SYNPO2: variants seen among roughly 807,000 people sequenced by gnomAD.
The protein encoded by SYNPO2 is synaptopodin 2, also known as synaptopodin-2.
SYNPO2 carries 56 observed loss-of-function variants against 85.0 expected under a neutral mutation model. The observed-to-expected ratio is 0.66, with a 90% confidence interval of 0.53 to 0.82. The LOEUF is 0.82. SYNPO2 is among the 40% of genes least tolerant of loss of function. The pLI is 0.00. For synonymous variants in SYNPO2, 602 were observed against 591.1 expected (o/e 1.02, Z -0.27); for missense variants, 1,575 against 1,534.2 (o/e 1.03, Z -0.44).
chr4:118,993,408 C>T (rs1448115670), intron 1 of SYNPO2, among the ~76,000 whole-genome samples: 3 of 152,160 alleles, frequency 2.0e-5, no homozygotes, highest in Non-Finnish European at 2.9e-5. Context: ...TCTCATTTTA[C>T]GAGGCCTCCT....
intron 1 of SYNPO2, among the ~76,000 whole-genome samples, chr4:119,001,289 A>G (rs1736814949): frequency 6.6e-6 from 1 of 152,228 alleles, no homozygotes; most frequent in Non-Finnish European, 1.5e-5. Flanking sequence ...ATCTTAAATC[A>G]AACATAGCCT....
chr4:118,978,792 GACAC>G (rs5861400), intron 1 of SYNPO2, among the ~76,000 whole-genome samples: 26,431 of 148,182 alleles, frequency 0.18, 2,403 homozygotes, highest in East Asian at 0.25. Flanking sequence ...CTCCTGCCAT[GACAC>G]ACACACACAC....
At position 119,031,912 on chromosome 4, in the gene SYNPO2, C is replaced by T. The variant is rs775659765; in HGVS notation, c.3137C>T (p.Ala1046Val). 2 of 1,614,246 alleles carry T rather than the reference C, an allele frequency of 1.2e-6. No individual in the cohort carries two copies. The highest frequency in any genetic ancestry group is 1.7e-6 in the Non-Finnish European group (2 of 1,180,046). Residue 1046 changes from alanine (A) to valine (V), a missense_variant, in exon 4 of 5, where the codon GCA becomes GTA. Coordinates refer to ENST00000307142, the MANE Select transcript of SYNPO2 (RefSeq NM_133477.3). ...FFAEASSPVSASPVPVGIPTS... is the reference protein window; with the variant it reads ...FFAEASSPVSVSPVPVGIPTS... ...GCAGAGGCCTCCTCACCAGTCAGTG[C>T]ATCCCCAGTGCCTGTGGGCATTCCC... is the stretch of plus-strand genomic sequence containing the variant.
At chr4:118,943,630 G>A (rs749520136) in intron 1 of SYNPO2, among the ~76,000 whole-genome samples, 10 of 152,264 alleles carry the variant, frequency 6.6e-5, no homozygotes, top group Admixed American at 4.6e-4. Flanking sequence ...ATCATCAGTG[G>A]TAGTAAACAT....
intron 1 of SYNPO2, among the ~76,000 whole-genome samples, chr4:118,956,494 T>C (rs1231412380): frequency 3.3e-5 from 5 of 152,272 alleles, no homozygotes; most frequent in Non-Finnish European, 7.3e-5. Flanking sequence ...TTTTTAACTG[T>C]AATTATTTTT....
At chr4:119,012,067 T>C (rs1196497453) in intron 1 of SYNPO2, among the ~76,000 whole-genome samples, 2 of 151,914 alleles carry the variant, frequency 1.3e-5, no homozygotes, top group East Asian at 1.9e-4. Flanking sequence ...GGATTACAGG[T>C]ACCTGCCACC....
At chr4:118,959,614 C>T (rs1016671283) in intron 1 of SYNPO2, among the ~76,000 whole-genome samples, 16 of 151,640 alleles carry the variant, frequency 1.1e-4, no homozygotes. Context: ...ATCCAAGAAA[C>T]CTAGGAGATT....
rs761807998 is a variant in SYNPO2, at chr4:118,908,467, A to G, written c.105+19326A>G. Among the ~76,000 whole-genome samples the G allele has an allele frequency of 9.8e-5, 15 of 152,334 alleles. No homozygotes were observed. In the East Asian group the frequency reaches 2.9e-3, roughly 29 times the overall value. ...TTGACTTGAAAAAATTTTTGATAGA[A>G]GAAAATTCTCACATTTTAGTTCGAT... On this transcript the variant is annotated intron_variant, in intron 1 of 4. Transcript: ENST00000307142.
chr4:118,900,697 C>CTA (rs1165068182), intron 1 of SYNPO2, among the ~76,000 whole-genome samples: 100 of 37,140 alleles, frequency 2.7e-3, no homozygotes, highest in South Asian at 0.01. Flanking sequence ...CTCTCTCTCT[C>CTA]TCTCTCTATA....
At chr4:118,889,839 C>CT (rs1201509234) in intron 1 of SYNPO2, among the ~76,000 whole-genome samples, 2 of 152,140 alleles carry the variant, frequency 1.3e-5, no homozygotes, top group Admixed American at 6.5e-5. Context: ...ATTTAAAATG[C>CT]TTTAAGTTTT....
intron 1 of SYNPO2, among the ~76,000 whole-genome samples, chr4:118,962,785 C>T (rs891392354): frequency 1.3e-5 from 2 of 152,208 alleles, no homozygotes; most frequent in Admixed American, 6.5e-5. Flanking sequence ...AGCTTATCCA[C>T]ATTTTGTTGG....
intron 1 of SYNPO2, among the ~76,000 whole-genome samples, chr4:118,881,314 A>AAG (rs1553935031): frequency 6.6e-6 from 1 of 151,430 alleles, no homozygotes; most frequent in South Asian, 2.1e-4. Flanking sequence ...AAAAAAAAAA[A>AAG]AAGAAGAAGA....
At chr4:119,025,703 T>G (rs1323952553) in intron 2 of SYNPO2, among the ~76,000 whole-genome samples, 1 of 152,058 alleles carries the variant, frequency 6.6e-6, no homozygotes, top group Non-Finnish European at 1.5e-5. Context: ...GCTTCCAAAA[T>G]TAAAAAAAAT....
intron 1 of SYNPO2, among the ~76,000 whole-genome samples, chr4:118,870,596 C>T (rs1036553419): frequency 2.6e-5 from 4 of 152,164 alleles, no homozygotes; most frequent in African/African-American, 9.7e-5. Flanking sequence ...GGCTCTAGAT[C>T]TCTGAGGAAT....
At chr4:118,939,717 T>G (rs1734235868) in intron 1 of SYNPO2, among the ~76,000 whole-genome samples, 1 of 152,188 alleles carries the variant, frequency 6.6e-6, no homozygotes. Context: ...TGAATCTTTC[T>G]GAAATGCACA....
At chr4:119,057,317 G>T in intron 4 of SYNPO2, 84 bp from the exon 5 acceptor site, 1 of 1,322,360 alleles carries the variant, frequency 7.6e-7, no homozygotes, top group Non-Finnish European at 1.0e-6. Flanking sequence ...TGCAGTGCTT[G>T]GTAATGGTGC....
chr4:118,994,442 T>G (rs1356193181), intron 1 of SYNPO2, among the ~76,000 whole-genome samples: 1 of 152,198 alleles, frequency 6.6e-6, no homozygotes, highest in Admixed American at 6.5e-5. Context: ...TGAGCCCTGT[T>G]TTGAAAGAGG....
chr4:119,015,201 G>A (rs981893002), intron 1 of SYNPO2, among the ~76,000 whole-genome samples: 4 of 152,176 alleles, frequency 2.6e-5, no homozygotes, highest in African/African-American at 9.7e-5. Flanking sequence ...TAGCTTAAAT[G>A]CTTTGCTCGA....
chr4:118,934,916 A>C (rs1056392896), intron 1 of SYNPO2, among the ~76,000 whole-genome samples: 1 of 152,078 alleles, frequency 6.6e-6, no homozygotes, highest in Non-Finnish European at 1.5e-5. Flanking sequence ...ATCGGTGTTT[A>C]TTTTGCCCTT....
Sources: gnomAD v4.1 joint callset for allele counts (sites outside exome capture counted in the v4.1 genomes callset) on GRCh38, gnomAD v4.1.1 for gene constraint, MANE v1.5 for transcripts, NCBI Gene and HGNC (gene_info 2026-07-23, HGNC 2026-07-21) for gene names.